The following DDX46 variants were observed in gnomAD, a reference collection of about 807,000 sequenced individuals.
DDX46 encodes the protein probable ATP-dependent RNA helicase DDX46.
DDX46 carries 30 observed loss-of-function variants against 134.9 expected under a neutral mutation model. The observed-to-expected ratio is 0.22, with a 90% CI of 0.17 to 0.30. The LOEUF (loss-of-function observed/expected upper bound fraction) is 0.30, where lower values mean the gene tolerates loss of function less well. DDX46 is among the 10% of genes least tolerant of loss of function. The pLI is 1.00. For synonymous variants in DDX46, 415 were observed against 404.1 expected (o/e 1.03, Z -0.32); for missense variants, 622 against 1,248.7 (o/e 0.50, Z 7.56).
chr5:134,789,005 G>A (rs1024743813), intron 12 of DDX46, among the ~76,000 whole-genome samples: 3 of 152,090 alleles, frequency 2.0e-5, no homozygotes, highest in African/African-American at 7.2e-5. Context: ...GAGTGGGGTA[G>A]TAGCTTTTTC....
chr5:134,771,508 T>C (rs1387499941), intron 4 of DDX46, among the ~76,000 whole-genome samples: 1 of 142,344 alleles, frequency 7.0e-6, no homozygotes. Flanking sequence ...CTGGCTAACA[T>C]GGTGAAACCC....
chr5:134,780,098 A>ATGTGTG (rs71583216), intron 6 of DDX46, among the ~76,000 whole-genome samples: 4,596 of 139,494 alleles, frequency 0.033, 122 homozygotes, highest in African/African-American at 0.069. Flanking sequence ...AAAAAAATAT[A>ATGTGTG]TGTGTGTGTG....
intron 7 of DDX46, 45 bp downstream of exon 7, chr5:134,781,291 A>G (rs1211805356): frequency 7.0e-6 from 10 of 1,427,006 alleles, no homozygotes; most frequent in African/African-American, 4.3e-5. Context: ...CTATCCTGGA[A>G]GCATTTATTA....
chr5:134,803,423 TCTC>T (rs1401908823), intron 15 of DDX46, among the ~76,000 whole-genome samples: 8 of 152,202 alleles, frequency 5.3e-5, no homozygotes, highest in African/African-American at 1.9e-4. Flanking sequence ...GCTCCATTCT[TCTC>T]AGGATTTATC....
intron 15 of DDX46, among the ~76,000 whole-genome samples, chr5:134,801,108 A>AC (rs1754815273): frequency 6.6e-6 from 1 of 151,924 alleles, no homozygotes; most frequent in Non-Finnish European, 1.5e-5. Flanking sequence ...GCATAGCAAG[A>AC]CCCCATCTCT....
intron 21 of DDX46, among the ~76,000 whole-genome samples, chr5:134,824,587 A>C (rs944627054): frequency 1.3e-5 from 2 of 152,220 alleles, no homozygotes; most frequent in Non-Finnish European, 2.9e-5. Context: ...CTCAAAAAAA[A>C]GAAAAGAAAA....
chr5:134,795,666 G>A (rs1180074335), intron 14 of DDX46, among the ~76,000 whole-genome samples: 1 of 152,120 alleles, frequency 6.6e-6, no homozygotes, highest in East Asian at 1.9e-4. Context: ...AGGAGCTGGA[G>A]ACTAGCTTGG....
intron 2 of DDX46, among the ~76,000 whole-genome samples, chr5:134,766,258 A>T (rs962251867): frequency 2.6e-5 from 4 of 152,208 alleles, no homozygotes; most frequent in African/African-American, 9.6e-5. Context: ...AAACATCTTT[A>T]TGAAATTAGT....
chr5:134,761,018 C>T (rs1165482417), intron 1 of DDX46, among the ~76,000 whole-genome samples: 4 of 151,580 alleles, frequency 2.6e-5, no homozygotes, highest in Non-Finnish European at 4.4e-5. Flanking sequence ...CGTGAGCCAC[C>T]GCACCCGGCC....
chr5:134,805,722 A>G (rs1267453616), intron 15 of DDX46, among the ~76,000 whole-genome samples: 4 of 151,416 alleles, frequency 2.6e-5, no homozygotes, highest in Admixed American at 1.3e-4. Context: ...TAGAAGAGAC[A>G]GGGTTTCACC....
chr5:134,817,800 T>A, intron 20 of DDX46, 86 bp downstream of exon 20: 1 of 1,075,308 alleles, frequency 9.3e-7, no homozygotes, highest in Non-Finnish European at 1.3e-6. Flanking sequence ...CCCATGAACA[T>A]TTTAATAGCT....
intron 5 of DDX46, among the ~76,000 whole-genome samples, chr5:134,776,524 G>A (rs1044797996): frequency 6.6e-6 from 1 of 152,206 alleles, no homozygotes; most frequent in South Asian, 2.1e-4. Context: ...AGGAGGAGGA[G>A]TTGGTCTTGT....
At chr5:134,808,616 T>A (rs1755057305) in intron 16 of DDX46, among the ~76,000 whole-genome samples, 2 of 152,112 alleles carry the variant, frequency 1.3e-5, no homozygotes, top group Admixed American at 6.5e-5. Flanking sequence ...AAAAAAAACA[T>A]GGGATCATAA....
intron 15 of DDX46, among the ~76,000 whole-genome samples, chr5:134,804,443 TTTTA>T (rs1754923541): frequency 1.3e-5 from 2 of 152,084 alleles, no homozygotes; most frequent in African/African-American, 4.8e-5. Flanking sequence ...CCATTTGTCT[TTTTA>T]TTTTTTTTGG....
At chr5:134,799,613 C>T (rs2150150745) in intron 15 of DDX46, among the ~76,000 whole-genome samples, 1 of 152,130 alleles carries the variant, frequency 6.6e-6, no homozygotes, top group South Asian at 2.1e-4. Context: ...TGGCAGGTGC[C>T]TGTAATCCCA....
intron 21 of DDX46, among the ~76,000 whole-genome samples, chr5:134,824,002 A>G (rs889012086): frequency 2.6e-5 from 4 of 152,164 alleles, no homozygotes; most frequent in African/African-American, 9.7e-5. Context: ...TCTTTTCGTA[A>G]TTCATTTATT....
At chr5:134,769,464 G>A (rs1334202676) in intron 3 of DDX46, among the ~76,000 whole-genome samples, 1 of 149,734 alleles carries the variant, frequency 6.7e-6, no homozygotes, top group East Asian at 2.0e-4. Context: ...CTGAATAGCT[G>A]AGATTACAGG....
chr5:134,790,624 C>A lies in DDX46; in HGVS notation c.1626+72C>A. ...GTAGTTGCCATGAGAATGAAATGTT[C>A]ATGTGGTTTCTGAAATTCACACACA... On this transcript the variant is annotated intron_variant, in intron 13 of 22. Coordinates refer to ENST00000452510, the MANE Select transcript of DDX46 (RefSeq NM_001300860.2). 2.3e-6 allele frequency: 3 copies of A among 1,332,450 alleles called. No homozygotes were observed. In the South Asian group the frequency reaches 3.8e-5, roughly 17 times the overall value. 82.5% of individuals were successfully genotyped at this position (1,332,450 alleles called of 1,614,324 possible).
intron 9 of DDX46, among the ~76,000 whole-genome samples, chr5:134,784,105 C>G (rs1414584597): frequency 2.0e-5 from 3 of 152,204 alleles, no homozygotes; most frequent in Non-Finnish European, 2.9e-5. Flanking sequence ...ATAGATTTGG[C>G]TATTCCTAAC....
Sources: gnomAD v4.1 joint callset for allele counts (sites outside exome capture counted in the v4.1 genomes callset) on GRCh38, gnomAD v4.1.1 for gene constraint, MANE v1.5 for transcripts, NCBI Gene and HGNC (gene_info 2026-07-23, HGNC 2026-07-21) for gene names.